Variants in WIPF3 observed in about 807,000 individuals in gnomAD.
WIPF3 encodes WAS/WASL-interacting protein family member 3.
A neutral mutation model predicts 38.9 loss-of-function variants in WIPF3; 33 were observed. That is an observed-to-expected ratio of 0.85 (90% CI 0.64 to 1.14). The LOEUF (loss-of-function observed/expected upper bound fraction) is 1.14, where lower values mean the gene tolerates loss of function less well. WIPF3 is among the 50% of genes most tolerant of loss of function. The pLI is 0.00. For synonymous variants in WIPF3, 324 were observed against 269.3 expected (o/e 1.20, Z -1.99); for missense variants, 711 against 652.5 (o/e 1.09, Z -0.98).
At chr7:29,815,051 C>T (rs958670448) in intron 1 of WIPF3, among the ~76,000 whole-genome samples, 1 of 152,168 alleles carries the variant, frequency 6.6e-6, no homozygotes, top group Non-Finnish European at 1.5e-5. Context: ...CTTAAAGCTT[C>T]CGTTTATTCT....
chr7:29,864,645 A>C (rs1188601341), intron 2 of WIPF3, among the ~76,000 whole-genome samples: 1 of 152,220 alleles, frequency 6.6e-6, no homozygotes, highest in Non-Finnish European at 1.5e-5. Context: ...ATAGGGTAAG[A>C]TATGATAACT....
intron 7 of WIPF3, among the ~76,000 whole-genome samples, chr7:29,893,850 C>G (rs1317205149): frequency 2.0e-5 from 3 of 152,044 alleles, no homozygotes; most frequent in African/African-American, 7.2e-5. Context: ...CCACCTGGCC[C>G]CTGAAGGCTT....
intron 1 of WIPF3, among the ~76,000 whole-genome samples, chr7:29,824,960 G>A (rs1562771111): frequency 6.6e-6 from 1 of 152,162 alleles, no homozygotes; most frequent in Non-Finnish European, 1.5e-5. Context: ...AACCTGGAAA[G>A]GAAGGATTTG....
intron 2 of WIPF3, among the ~76,000 whole-genome samples, chr7:29,842,628 G>A (rs1463898566): frequency 2.6e-5 from 4 of 152,214 alleles, no homozygotes; most frequent in East Asian, 1.9e-4. Flanking sequence ...TTTTCCCACC[G>A]TCTTTAACAT....
chr7:29,881,136 G>T (rs2391804), intron 4 of WIPF3, among the ~76,000 whole-genome samples: 2 of 151,920 alleles, frequency 1.3e-5, no homozygotes, highest in Non-Finnish European at 2.9e-5. Context: ...CAAAGTGTCC[G>T]TGAGGTCTTC....
intron 8 of WIPF3, among the ~76,000 whole-genome samples, chr7:29,906,678 A>C (rs2128081260): frequency 6.6e-6 from 1 of 152,338 alleles, no homozygotes; most frequent in East Asian, 1.9e-4. Flanking sequence ...ATAAACATCC[A>C]AAATGCTCAG....
chr7:29,874,220 C>A (rs1434585546), intron 2 of WIPF3, among the ~76,000 whole-genome samples: 1 of 152,064 alleles, frequency 6.6e-6, no homozygotes, highest in African/African-American at 2.4e-5. Context: ...CTAGTTCATT[C>A]ATTCACTCAC....
intron 1 of WIPF3, among the ~76,000 whole-genome samples, chr7:29,808,671 C>G (rs1043653896): frequency 7.0e-6 from 1 of 143,662 alleles, no homozygotes; most frequent in African/African-American, 2.6e-5. Context: ...AGTTACCCAG[C>G]AGCAGAAGGA....
intron 1 of WIPF3, among the ~76,000 whole-genome samples, chr7:29,829,009 G>A (rs1176373454): frequency 6.6e-6 from 1 of 152,082 alleles, no homozygotes; most frequent in African/African-American, 2.4e-5. Context: ...CAGGCTGCTT[G>A]TGTTCTCCCA....
chr7:29,906,914 A>T (rs1179556320), intron 8 of WIPF3, among the ~76,000 whole-genome samples: 2 of 152,232 alleles, frequency 1.3e-5, no homozygotes, highest in African/African-American at 4.8e-5. Flanking sequence ...GTAATTTTCT[A>T]CCTGGCAAAA....
At chr7:29,868,934 A>G (rs961584345) in intron 2 of WIPF3, among the ~76,000 whole-genome samples, 16 of 152,150 alleles carry the variant, frequency 1.1e-4, no homozygotes, top group Non-Finnish European at 1.8e-4. Flanking sequence ...CTGATACATC[A>G]TTATGCAGAG....
At chr7:29,858,149 G>A (rs1468456781) in intron 2 of WIPF3, among the ~76,000 whole-genome samples, 2 of 152,134 alleles carry the variant, frequency 1.3e-5, no homozygotes, top group South Asian at 2.1e-4. Flanking sequence ...AAAGTGAAAT[G>A]GAATATACTA....
rs532428386 is a variant in WIPF3, at chr7:29,884,611, G to A, written c.1099+18G>A. On this transcript the variant is annotated intron_variant, in intron 5 of 8. Transcript: ENST00000242140. ...CCGACCAGGTAAGGAGCGCTGCCTG[G>A]CCCAGTGCCCCTGGTGGAGTGCGAT... is the stretch of plus-strand genomic sequence containing the variant. The A allele has an allele frequency of 5.7e-6, 9 of 1,592,750 alleles. No homozygotes were observed. Among genetic ancestry groups the A allele is most frequent in the South Asian group, 2.3e-5 (2 of 87,140 alleles).
Position 29,884,387 on chromosome 7 carries a change from C to CCCTTTCT in WIPF3, c.893_894insCCTTTCT (p.Tyr299LeufsTer21). ...CCCGCCCCGCCGCCCCCGCTCCCCC[C>CCCTTTCT]TTATGCTTCTTGCTCCCCGAGGGCT... is the stretch of plus-strand genomic sequence containing the variant. On this transcript the variant is annotated frameshift_variant, in exon 5 of 9. Coordinates refer to ENST00000242140, the MANE Select transcript of WIPF3 (RefSeq NM_001080529.3). LOFTEE classifies it high-confidence loss of function. The CCCTTTCT allele has an allele frequency of 1.3e-6, 2 of 1,502,236 alleles. No homozygotes were observed. Among genetic ancestry groups the CCCTTTCT allele is most frequent in the Non-Finnish European group, 1.8e-6 (2 of 1,121,158 alleles). 93.1% of individuals were successfully genotyped at this position (1,502,236 alleles called of 1,614,324 possible). A position where few individuals can be genotyped will look rare whatever the true frequency, so the allele number is the denominator to read the frequency against.
intron 2 of WIPF3, among the ~76,000 whole-genome samples, chr7:29,865,396 C>T (rs1785368514): frequency 6.6e-6 from 1 of 152,086 alleles, no homozygotes; most frequent in Non-Finnish European, 1.5e-5. Context: ...TCCACTATAC[C>T]ACACTGCCTT....
At chr7:29,841,580 G>A (rs1429643547) in intron 2 of WIPF3, among the ~76,000 whole-genome samples, 1 of 152,190 alleles carries the variant, frequency 6.6e-6, no homozygotes, top group Non-Finnish European at 1.5e-5. Context: ...GGAGGCCAAG[G>A]CAGGTGGATC....
In WIPF3 at chr7:29,884,423, C is replaced by T. The variant is rs1785820938; in HGVS notation, c.929C>T (p.Ala310Val). ...TGCTCCCCGAGGGCTTCTTTGCCCG[C>T]GCCCCCTTTGCCAGGAGTTAATAGC... ...ASCSPRASLP[A>V]PPLPGVNSSS... Residue 310 changes from alanine (A) to valine (V), a missense_variant, in exon 5 of 9, where the codon GCG (alanine) becomes GTG (valine). By Grantham distance (64) the Ala-to-Val change is moderately conservative. Transcript: ENST00000242140. The T allele has an allele frequency of 5.9e-6, 9 of 1,523,706 alleles. No homozygotes were observed. The highest frequency in any genetic ancestry group is 8.0e-6 in the Non-Finnish European group (9 of 1,130,704). 94.4% of individuals were successfully genotyped at this position (1,523,706 alleles called of 1,614,324 possible).
chr7:29,836,236 A>G (rs749044958), intron 2 of WIPF3, among the ~76,000 whole-genome samples: 3 of 152,246 alleles, frequency 2.0e-5, no homozygotes, highest in African/African-American at 7.2e-5. Context: ...GTAAGTAAAC[A>G]CACATGAAAC....
chr7:29,897,270 C>T (rs10257272), intron 7 of WIPF3, among the ~76,000 whole-genome samples: 6,588 of 152,304 alleles, frequency 0.043, 167 homozygotes, highest in Middle Eastern at 0.11. Flanking sequence ...CTCTTAACTT[C>T]TGTGAATGCT....
Sources: gnomAD v4.1 joint callset for allele counts (sites outside exome capture counted in the v4.1 genomes callset) on GRCh38, gnomAD v4.1.1 for gene constraint, MANE v1.5 for transcripts, NCBI Gene and HGNC (gene_info 2026-07-23, HGNC 2026-07-21) for gene names.